CAMTA1: variants seen among roughly 807,000 people sequenced by gnomAD.
CAMTA1 encodes the protein calmodulin binding transcription activator 1.
CAMTA1 carries 27 observed loss-of-function variants against 170.9 expected under a neutral mutation model. The ratio of observed to expected loss-of-function variants is 0.16; its 90% CI spans 0.12 to 0.22. The LOEUF (loss-of-function observed/expected upper bound fraction) is 0.22. Ranked by LOEUF, CAMTA1 falls within the 10% of genes least tolerant of loss-of-function variation. The probability of loss-of-function intolerance (pLI) is 1.00; values close to 1 mark genes in which losing one functional copy is unlikely to be tolerated. For synonymous variants in CAMTA1, 833 were observed against 891.5 expected (o/e 0.93, Z 1.17); for missense variants, 1,619 against 2,217.2 (o/e 0.73, Z 5.42).
intron 3 of CAMTA1, among the ~76,000 whole-genome samples, chr1:7,001,961 A>G (rs555362224): frequency 7.2e-6 from 1 of 138,810 alleles, no homozygotes; most frequent in East Asian, 2.1e-4. Flanking sequence ...CAATGGCGCT[A>G]TCTCAGCTCA....
chr1:6,958,675 G>A (rs1689882004), intron 3 of CAMTA1, among the ~76,000 whole-genome samples: 1 of 152,150 alleles, frequency 6.6e-6, no homozygotes, highest in South Asian at 2.1e-4. Flanking sequence ...TGCATGAAGC[G>A]AATCTCCTCC....
rs759144368 is a variant in CAMTA1 at position 7,641,298 on chromosome 1, G to A, written c.664+745G>A. On this transcript the variant is annotated intron_variant, in intron 7 of 22. Coordinates refer to ENST00000303635, the MANE Select transcript of CAMTA1 (RefSeq NM_015215.4). This position sits in a 1 kb window ranked among gnomAD's most constrained non-coding sequence, Gnocchi z 4.5. Reference sequence around the variant, plus strand: ...ATGGGGGCTGTTTAGTGGTGGACACGTAGCCCACGGGGTTCAGGGACATTG... The same window carrying A: ...ATGGGGGCTGTTTAGTGGTGGACACATAGCCCACGGGGTTCAGGGACATTG... Among the ~76,000 whole-genome samples, 16 of 152,188 alleles carry A rather than the reference G, an allele frequency of 1.1e-4. No homozygotes were observed. Among genetic ancestry groups the A allele is most frequent in the East Asian group, 5.8e-4 (3 of 5,182 alleles).
chr1:7,160,954 T>C (rs1192331537), intron 4 of CAMTA1, among the ~76,000 whole-genome samples: 1 of 152,204 alleles, frequency 6.6e-6, no homozygotes, highest in Non-Finnish European at 1.5e-5. Context: ...TGGAAGTCAC[T>C]TCTTTCTCTC....
intron 7 of CAMTA1, among the ~76,000 whole-genome samples, chr1:7,651,048 G>A (rs946658998): frequency 7.9e-5 from 12 of 152,124 alleles, no homozygotes; most frequent in East Asian, 1.9e-4. Flanking sequence ...GTCCGCCTCC[G>A]GCACGTGGTT....
At chr1:7,288,245 G>A (rs533148134) in intron 5 of CAMTA1, among the ~76,000 whole-genome samples, 50 of 152,310 alleles carry the variant, frequency 3.3e-4, no homozygotes, top group Middle Eastern at 3.4e-3. Context: ...GAGAATACAC[G>A]GCACAGTTCA....
intron 4 of CAMTA1, among the ~76,000 whole-genome samples, chr1:7,246,090 G>A (rs915977641): frequency 2.6e-5 from 4 of 152,206 alleles, no homozygotes; most frequent in African/African-American, 9.7e-5. Context: ...ATGCTTTCAG[G>A]GTGGTAATGA....
Position 7,439,931 on chromosome 1 carries a change from C to T in CAMTA1, c.439-27899C>T, listed in dbSNP as rs868444700. 2.0e-4 allele frequency among the ~76,000 whole-genome samples: 30 copies of T among 152,356 alleles called. No homozygotes were observed. The South Asian group carries it at 3.7e-3, about 19-fold the overall frequency. ...CAAAATGAAGAGGCCCCAGTGAGCTCGGAGATCCCTTCACAGAATCATCGC... is the reference window on the plus strand; with the variant it reads ...CAAAATGAAGAGGCCCCAGTGAGCTTGGAGATCCCTTCACAGAATCATCGC... On this transcript the variant is annotated intron_variant, in intron 5 of 22. Coordinates refer to ENST00000303635, the MANE Select transcript of CAMTA1 (RefSeq NM_015215.4).
chr1:7,637,399 G>A (rs1203327999), intron 6 of CAMTA1, among the ~76,000 whole-genome samples: 4 of 152,216 alleles, frequency 2.6e-5, no homozygotes, highest in Admixed American at 2.6e-4. Context: ...CTCAGCAGCT[G>A]GCATTGCTGC....
At chr1:7,411,463 T>C (rs1265661367) in intron 5 of CAMTA1, among the ~76,000 whole-genome samples, 4 of 130,092 alleles carry the variant, frequency 3.1e-5, no homozygotes, top group Non-Finnish European at 6.1e-5. Context: ...CGATAGAACC[T>C]GGGAGGCGGA....
At chr1:7,554,901 A>T (rs2094855864) in intron 6 of CAMTA1, among the ~76,000 whole-genome samples, 1 of 152,076 alleles carries the variant, frequency 6.6e-6, no homozygotes, top group African/African-American at 2.4e-5. Context: ...TGGGGGCCCA[A>T]ATCTGAGAAC....
At chr1:7,546,763 A>G (rs2094699094) in intron 6 of CAMTA1, among the ~76,000 whole-genome samples, 1 of 152,120 alleles carries the variant, frequency 6.6e-6, no homozygotes, top group Non-Finnish European at 1.5e-5. Flanking sequence ...AGTGACGTTG[A>G]GCACTTTTTC....
At chr1:7,618,990 A>G (rs1314569592) in intron 6 of CAMTA1, among the ~76,000 whole-genome samples, 1 of 152,178 alleles carries the variant, frequency 6.6e-6, no homozygotes, top group African/African-American at 2.4e-5. Flanking sequence ...TTGACCAAAA[A>G]ATTTGCATCT....
rs1329653904 is a variant in CAMTA1, at chr1:6,965,746, G to A, written c.235-125558G>A. Among the ~76,000 whole-genome samples, 1 of 152,214 alleles carries A rather than the reference G, an allele frequency of 6.6e-6. No homozygotes were observed. Among genetic ancestry groups the A allele is most frequent in the Non-Finnish European group, 1.5e-5 (1 of 68,046 alleles). On this transcript the variant is annotated intron_variant, in intron 3 of 22. Transcript: ENST00000303635. The surrounding 1 kb of genome is among the most constrained non-coding windows in gnomAD (Gnocchi z 4.1). ...CGCTTTGGGAGTTATTAGAGTTAGTGCCGGTTGTGACAAAAGCTGCATTTG... is the reference window on the plus strand; with the variant it reads ...CGCTTTGGGAGTTATTAGAGTTAGTACCGGTTGTGACAAAAGCTGCATTTG...
At chr1:7,709,353 A>G (rs2096551827) in intron 11 of CAMTA1, among the ~76,000 whole-genome samples, 1 of 152,188 alleles carries the variant, frequency 6.6e-6, no homozygotes, top group Non-Finnish European at 1.5e-5. Context: ...GGAGACTGTA[A>G]TGAAATGTGT....
chr1:7,655,917 C>T (rs147398412), intron 7 of CAMTA1, among the ~76,000 whole-genome samples: 1 of 152,310 alleles, frequency 6.6e-6, no homozygotes, highest in East Asian at 1.9e-4. Flanking sequence ...ATGTTTTCCT[C>T]CGAAACTCAT....
At chr1:7,192,441 G>C (rs1276112132) in intron 4 of CAMTA1, among the ~76,000 whole-genome samples, 1 of 152,240 alleles carries the variant, frequency 6.6e-6, no homozygotes, top group Non-Finnish European at 1.5e-5. Flanking sequence ...TGTGAGAAGG[G>C]ACTGAGGCCG....
chr1:7,406,678 A>G (rs1287094139), intron 5 of CAMTA1, among the ~76,000 whole-genome samples: 1 of 152,090 alleles, frequency 6.6e-6, no homozygotes, highest in Non-Finnish European at 1.5e-5. Flanking sequence ...AGAGATGCAT[A>G]CATGTATACA....
chr1:7,509,067 C>T (rs1221824555), intron 6 of CAMTA1, among the ~76,000 whole-genome samples: 1 of 152,176 alleles, frequency 6.6e-6, no homozygotes, highest in African/African-American at 2.4e-5. Flanking sequence ...TGGGTCCCCC[C>T]AGGCAAGATA....
intron 3 of CAMTA1, among the ~76,000 whole-genome samples, chr1:6,975,432 G>C (rs1040588491): frequency 6.6e-6 from 1 of 152,110 alleles, no homozygotes; most frequent in African/African-American, 2.4e-5. Flanking sequence ...ATGCTCCTCT[G>C]TGCGCTGTTT....
Sources: gnomAD v4.1 joint callset for allele counts (sites outside exome capture counted in the v4.1 genomes callset) on GRCh38, gnomAD v4.1.1 for gene constraint, Gnocchi (gnomAD v3.1) non-coding constraint, MANE v1.5 for transcripts, NCBI Gene and HGNC (gene_info 2026-07-23, HGNC 2026-07-21) for gene names.